SOX5: variants seen among roughly 807,000 people sequenced by gnomAD.
SOX5 encodes transcription factor SOX-5.
A neutral mutation model predicts 92.0 loss-of-function variants in SOX5; 9 were observed. That is an observed-to-expected ratio of 0.10 (90% confidence interval 0.06 to 0.17). The LOEUF is 0.17. Ranked by LOEUF, SOX5 falls within the 10% of genes least tolerant of loss-of-function variation. The probability of loss-of-function intolerance (pLI) is 1.00; values close to 1 mark genes in which losing one functional copy is unlikely to be tolerated. For synonymous variants in SOX5, 344 were observed against 336.3 expected, an observed-to-expected ratio of 1.02 and a Z score of -0.25; for missense variants, 642 against 944.5, an observed-to-expected ratio of 0.68 and a Z score of 4.20.
chr12:23,606,296 T>C (rs1026091162), intron 8 of SOX5, among the ~76,000 whole-genome samples: 7 of 151,896 alleles, frequency 4.6e-5, no homozygotes, highest in Non-Finnish European at 1.0e-4. Flanking sequence ...ACAAGTTAAC[T>C]AGATAACTAT....
chr12:24,347,812 G>T (rs1445665490), intron 2 of SOX5, among the ~76,000 whole-genome samples: 1 of 152,082 alleles, frequency 6.6e-6, no homozygotes, highest in East Asian at 1.9e-4. Flanking sequence ...ACAGGTTTTA[G>T]CAAAGTTAGC....
chr12:24,134,634 G>A (rs1407864185), intron 4 of SOX5, among the ~76,000 whole-genome samples: 2 of 152,106 alleles, frequency 1.3e-5, no homozygotes, highest in Non-Finnish European at 2.9e-5. Context: ...TGAAGAAATG[G>A]TGAAAATGTT....
At chr12:24,458,449 T>C (rs1198881325) in intron 1 of SOX5, among the ~76,000 whole-genome samples, 1 of 152,182 alleles carries the variant, frequency 6.6e-6, no homozygotes, top group Non-Finnish European at 1.5e-5. Flanking sequence ...TACTCAGTCA[T>C]GTTCAACGTG....
intron 1 of SOX5, among the ~76,000 whole-genome samples, chr12:24,432,751 G>T (rs1938605404): frequency 6.6e-6 from 1 of 152,118 alleles, no homozygotes; most frequent in African/African-American, 2.4e-5. Flanking sequence ...GGCGGAGATT[G>T]CAGTGAGCCA....
intron 3 of SOX5, among the ~76,000 whole-genome samples, chr12:23,759,174 C>T (rs2094498262): frequency 6.6e-6 from 1 of 151,904 alleles, no homozygotes; most frequent in South Asian, 2.1e-4. Context: ...TAGGGTAACA[C>T]ATATGTATGA....
intron 1 of SOX5, among the ~76,000 whole-genome samples, chr12:24,460,942 G>T (rs1943554712): frequency 6.6e-6 from 1 of 152,106 alleles, no homozygotes; most frequent in African/African-American, 2.4e-5. Context: ...CTTAGAATTG[G>T]TTTGCTCTTG....
chr12:24,440,057 T>C (rs1199897243), intron 1 of SOX5, among the ~76,000 whole-genome samples: 1 of 152,158 alleles, frequency 6.6e-6, no homozygotes, highest in East Asian at 1.9e-4. Flanking sequence ...TCAATAAAAA[T>C]CTGAGTCAAA....
chr12:24,247,555 G>A (rs1426293205), intron 3 of SOX5, among the ~76,000 whole-genome samples: 2 of 152,132 alleles, frequency 1.3e-5, no homozygotes, highest in Non-Finnish European at 2.9e-5. Context: ...AAGGCTGGGG[G>A]AGTTGTACAG....
At chr12:24,539,536 TTTG>T (rs1360177599) in intron 1 of SOX5, among the ~76,000 whole-genome samples, 1 of 152,096 alleles carries the variant, frequency 6.6e-6, no homozygotes. Context: ...AATATAGACA[TTTG>T]ATCCCTATTG....
intron 3 of SOX5, among the ~76,000 whole-genome samples, chr12:24,236,109 G>A (rs139145589): frequency 2.6e-3 from 391 of 152,100 alleles, no homozygotes; most frequent in Middle Eastern, 6.8e-3. Flanking sequence ...GGAGAATGGC[G>A]TGAACCCGGG....
chr12:23,708,316 A>AT (rs577952200), intron 6 of SOX5, among the ~76,000 whole-genome samples: 8 of 151,794 alleles, frequency 5.3e-5, no homozygotes, highest in Non-Finnish European at 1.0e-4. Context: ...AGGAATCCAT[A>AT]TAAAAAAAAA....
At chr12:24,084,730 C>T (rs1373310029) in intron 4 of SOX5, among the ~76,000 whole-genome samples, 4 of 151,992 alleles carry the variant, frequency 2.6e-5, no homozygotes, top group Non-Finnish European at 5.9e-5. Flanking sequence ...CTTCTCCCTC[C>T]CATTTTATTC....
At chr12:23,737,386 A>G (rs761768239) in intron 5 of SOX5, among the ~76,000 whole-genome samples, 4 of 152,040 alleles carry the variant, frequency 2.6e-5, no homozygotes, top group Non-Finnish European at 5.9e-5. Flanking sequence ...TAAAAATACA[A>G]AAAATTAGCC....
intron 6 of SOX5, among the ~76,000 whole-genome samples, chr12:23,699,567 T>C (rs1290293979): frequency 2.0e-5 from 3 of 152,202 alleles, no homozygotes; most frequent in African/African-American, 7.2e-5. Context: ...TGCATATTTA[T>C]TTTATATTGT....
chr12:23,815,216 A>G (rs949419047), intron 3 of SOX5, among the ~76,000 whole-genome samples: 1 of 152,186 alleles, frequency 6.6e-6, no homozygotes, highest in African/African-American at 2.4e-5. Flanking sequence ...TGGGGGCCAT[A>G]TAAAGGAGGA....
At chr12:24,110,835 A>T (rs1351870704) in intron 4 of SOX5, among the ~76,000 whole-genome samples, 3 of 134,648 alleles carry the variant, frequency 2.2e-5, no homozygotes, top group African/African-American at 8.2e-5. Context: ...CAGGAGGCGG[A>T]GCTTGCAGTG....
At chr12:23,856,438 C>A (rs571787340) in intron 2 of SOX5, among the ~76,000 whole-genome samples, 2 of 152,164 alleles carry the variant, frequency 1.3e-5, no homozygotes, top group East Asian at 3.9e-4. Flanking sequence ...TGCAAATGTT[C>A]TATGGGCTTT....
chr12:24,248,051 C>T (rs1445857395), intron 3 of SOX5, among the ~76,000 whole-genome samples: 7 of 152,080 alleles, frequency 4.6e-5, no homozygotes, highest in African/African-American at 1.7e-4. Context: ...CTGGGTGGAG[C>T]CTTTGCGGAG....
chr12:23,617,128 GA>G (rs34672362), intron 8 of SOX5, among the ~76,000 whole-genome samples: 66,098 of 105,396 alleles, frequency 0.63, 20,214 homozygotes, highest in South Asian at 0.81. Context: ...TCTGTCTCAA[GA>G]AAAAAAAAAA....
Sources: allele counts gnomAD v4.1 joint callset (sites outside exome capture counted in the v4.1 genomes callset), GRCh38; gene constraint gnomAD v4.1.1; transcripts MANE v1.5; gene names NCBI Gene and HGNC (gene_info 2026-07-23, HGNC 2026-07-21).